The following PDE4D variants were observed in gnomAD, a reference collection of about 807,000 sequenced individuals.
The protein encoded by PDE4D is 3',5'-cyclic-AMP phosphodiesterase 4D.
A neutral mutation model predicts 87.4 loss-of-function variants in PDE4D; 24 were observed. The observed-to-expected ratio is 0.27, with a 90% CI of 0.20 to 0.39. PDE4D has a LOEUF of 0.39. Among genes scored for constraint, PDE4D ranks in the 10% least tolerant of loss-of-function variants. PDE4D has a pLI of 1.00. For missense variants in PDE4D, 714 were observed against 1,041.0 expected (o/e 0.69, Z 4.32); for synonymous variants, 384 against 383.2 (o/e 1.00, Z -0.02).
At chr5:59,289,714 A>G (rs143215626) in intron 1 of PDE4D, among the ~76,000 whole-genome samples, 18 of 152,116 alleles carry the variant, frequency 1.2e-4, no homozygotes, top group African/African-American at 4.1e-4. Flanking sequence ...CCAAAGAAAG[A>G]AATTTGAAAG....
exon 3 of PDE4D, chr5:59,988,634 T>G: frequency 1.9e-6 from 3 of 1,599,382 alleles, no homozygotes; most frequent in Non-Finnish European, 2.5e-6. Flanking sequence ...TATTGCGACA[T>G]GAAAGTCTCC....
chr5:59,963,489 A>G (rs1320127113), intron 3 of PDE4D, among the ~76,000 whole-genome samples: 4 of 152,112 alleles, frequency 2.6e-5, no homozygotes, highest in Non-Finnish European at 5.9e-5. Context: ...AATTTTTACT[A>G]GAACACAGTG....
intron 1 of PDE4D, among the ~76,000 whole-genome samples, chr5:60,273,875 A>G (rs1427858004): frequency 6.6e-6 from 1 of 152,208 alleles, no homozygotes; most frequent in Non-Finnish European, 1.5e-5. Flanking sequence ...CCACTCAGTG[A>G]CAAGCCAGAG....
intron 5 of PDE4D, among the ~76,000 whole-genome samples, chr5:59,057,069 G>A (rs886281636): frequency 6.6e-6 from 1 of 152,166 alleles, no homozygotes; most frequent in Non-Finnish European, 1.5e-5. Flanking sequence ...TCATTAAGGT[G>A]AGAAACCATT....
At chr5:60,350,067 T>C (rs544023609) in intron 1 of PDE4D, among the ~76,000 whole-genome samples, 4 of 152,272 alleles carry the variant, frequency 2.6e-5, no homozygotes, top group African/African-American at 4.8e-5. Flanking sequence ...GGATTTCAAA[T>C]AGCACCATCT....
chr5:59,380,388 C>CAAAAAAAAAAAA (rs10574102), intron 1 of PDE4D, among the ~76,000 whole-genome samples: 4 of 108,946 alleles, frequency 3.7e-5, no homozygotes, highest in African/African-American at 1.0e-4. Flanking sequence ...CAAAAGCAAT[C>CAAAAAAAAAAAA]AAAAAAAAAA....
intron 1 of PDE4D, among the ~76,000 whole-genome samples, chr5:60,390,725 A>G (rs1425085258): frequency 6.6e-6 from 1 of 151,746 alleles, no homozygotes; most frequent in Non-Finnish European, 1.5e-5. Flanking sequence ...ATAAGCTACT[A>G]TTAAAAAAAT....
intron 5 of PDE4D, among the ~76,000 whole-genome samples, chr5:59,169,096 G>A (rs959262357): frequency 6.6e-6 from 1 of 151,962 alleles, no homozygotes. Flanking sequence ...CAAAAGAAAC[G>A]ACGCTGTGAG....
chr5:60,341,145 T>C (rs1009860133), intron 1 of PDE4D, among the ~76,000 whole-genome samples: 1 of 152,106 alleles, frequency 6.6e-6, no homozygotes, highest in Non-Finnish European at 1.5e-5. Flanking sequence ...TTTTTTCTTC[T>C]GTTGAATTAA....
At chr5:60,039,283 T>C (rs1768182124) in intron 2 of PDE4D, among the ~76,000 whole-genome samples, 1 of 152,098 alleles carries the variant, frequency 6.6e-6, no homozygotes, top group African/African-American at 2.4e-5. Context: ...ATGTCCTTTG[T>C]AGGGACATGG....
intron 1 of PDE4D, among the ~76,000 whole-genome samples, chr5:60,192,012 T>C (rs1785236508): frequency 6.6e-6 from 1 of 152,032 alleles, no homozygotes; most frequent in African/African-American, 2.4e-5. Flanking sequence ...AAAATATATA[T>C]ATATTTAAGT....
intron 1 of PDE4D, among the ~76,000 whole-genome samples, chr5:59,677,266 T>C (rs1748255782): frequency 6.6e-6 from 1 of 152,296 alleles, no homozygotes; most frequent in Middle Eastern, 3.4e-3. Context: ...CTCTGACATT[T>C]TGCAGTCTTA....
intron 1 of PDE4D, among the ~76,000 whole-genome samples, chr5:60,255,510 G>T (rs1748952345): frequency 6.6e-6 from 1 of 151,754 alleles, no homozygotes; most frequent in Non-Finnish European, 1.5e-5. Flanking sequence ...TGAGAAGTGG[G>T]TTCAAATCCT....
intron 1 of PDE4D, among the ~76,000 whole-genome samples, chr5:60,207,495 C>T (rs1052304589): frequency 2.0e-5 from 3 of 152,132 alleles, no homozygotes; most frequent in Non-Finnish European, 2.9e-5. Context: ...AACAGAAGTC[C>T]TTATTTTACA....
intron 1 of PDE4D, among the ~76,000 whole-genome samples, chr5:59,628,560 T>C (rs1404239061): frequency 6.6e-6 from 1 of 152,188 alleles, no homozygotes; most frequent in African/African-American, 2.4e-5. Flanking sequence ...CTATTACTTA[T>C]TGAGCCCTAA....
chr5:59,586,520 A>T (rs1825163804), intron 1 of PDE4D: 12 of 1,440,682 alleles, frequency 8.3e-6, no homozygotes, highest in Non-Finnish European at 1.1e-5. Flanking sequence ...AAAAAAAAAA[A>T]ATCTCCCCCC....
At chr5:60,352,329 A>G (rs1465003172) in intron 1 of PDE4D, among the ~76,000 whole-genome samples, 1 of 152,134 alleles carries the variant, frequency 6.6e-6, no homozygotes. Context: ...ACTGACTAGG[A>G]TGCACAGTCC....
chr5:59,696,133 C>T (rs1751744555), intron 1 of PDE4D, among the ~76,000 whole-genome samples: 1 of 152,060 alleles, frequency 6.6e-6, no homozygotes, highest in South Asian at 2.1e-4. Context: ...TGCTGGTTTA[C>T]ATGTATTATG....
intron 1 of PDE4D, chr5:60,188,222 C>T (rs1489851547): frequency 6.6e-6 from 1 of 152,168 alleles, no homozygotes; most frequent in African/African-American, 2.4e-5. Context: ...GGATCATTTA[C>T]AGCAGGTTCA....
Sources: gnomAD v4.1 joint callset for allele counts (sites outside exome capture counted in the v4.1 genomes callset) on GRCh38, gnomAD v4.1.1 for gene constraint, MANE v1.5 for transcripts, NCBI Gene and HGNC (gene_info 2026-07-23, HGNC 2026-07-21) for gene names.